Variants in ACSM3 observed in about 807,000 individuals in gnomAD.
ACSM3 encodes the protein acyl-CoA synthetase medium chain family member 3.
A neutral mutation model predicts 74.1 loss-of-function variants in ACSM3; 61 were observed. The observed-to-expected ratio is 0.82, with a 90% CI of 0.67 to 1.02. The LOEUF is 1.02. ACSM3 is among the 50% of genes least tolerant of loss of function. The pLI, the probability that ACSM3 is intolerant of heterozygous loss-of-function variation, is 0.00. For synonymous variants in ACSM3, 213 were observed against 241.5 expected, an observed-to-expected ratio of 0.88 and a Z score of 1.09; for missense variants, 660 against 697.0, an observed-to-expected ratio of 0.95 and a Z score of 0.60.
At chr16:20,740,862 T>C (rs977843535) in intron 1 of ACSM3, among the ~76,000 whole-genome samples, 7 of 152,218 alleles carry the variant, frequency 4.6e-5, no homozygotes, top group South Asian at 2.1e-4. Context: ...TTCAGAAATA[T>C]TATTGCTTCA....
chr16:20,701,904 G>C (rs757587495), intron 1 of ACSM3, among the ~76,000 whole-genome samples: 6 of 152,156 alleles, frequency 3.9e-5, no homozygotes, highest in Non-Finnish European at 7.3e-5. Flanking sequence ...AGTATTCCAT[G>C]GTGTATATGT....
intron 1 of ACSM3, among the ~76,000 whole-genome samples, chr16:20,678,355 A>G (rs2079356988): frequency 6.6e-6 from 1 of 152,202 alleles, no homozygotes. Context: ...GCCATGGCTC[A>G]CTGCTATTAC....
In ACSM3 at chr16:20,777,458, C is replaced by T; in HGVS notation, c.516C>T (p.Ile172=). The change falls in exon 4 of 14, where the codon ATC becomes ATT. Residue 172 remains isoleucine, a synonymous_variant. Coordinates refer to ENST00000289416, the MANE Select transcript of ACSM3 (RefSeq NM_005622.4). ...AATCTTCAAAAGCAAACTGCATTAT[C>T]ACCAATGATGTTTTAGCCCCAGCAG... ...RLQSSKANCI[I]TNDVLAPAVD... 1 of 1,613,984 alleles carries T rather than the reference C, an allele frequency of 6.2e-7. No individual in the cohort carries two copies. Among genetic ancestry groups the T allele is most frequent in the Non-Finnish European group, 8.5e-7 (1 of 1,179,910 alleles).
upstream of ACSM3, among the ~76,000 whole-genome samples, chr16:20,760,227 A>C (rs1204224096): frequency 6.6e-6 from 1 of 152,184 alleles, no homozygotes; most frequent in Admixed American, 6.5e-5. Flanking sequence ...TTTCTTTGAC[A>C]CATTTTGAAA....
chr16:20,726,462 T>G (rs1370874994), intron 1 of ACSM3, among the ~76,000 whole-genome samples: 1 of 152,248 alleles, frequency 6.6e-6, no homozygotes, highest in Non-Finnish European at 1.5e-5. Flanking sequence ...CCCTAGTCAG[T>G]GTCAACGCCT....
At chr16:20,786,194 C>A in intron 9 of ACSM3, 36 bp downstream of exon 9, 3 of 1,605,908 alleles carry the variant, frequency 1.9e-6, no homozygotes, top group Non-Finnish European at 2.6e-6. Flanking sequence ...TGTTTAACAA[C>A]CCAATCTGTA....
chr16:20,676,066 A>T (rs1031255406), intron 1 of ACSM3: 3 of 152,234 alleles, frequency 2.0e-5, no homozygotes, highest in Non-Finnish European at 4.4e-5. Context: ...ACCTCCCTTT[A>T]CCAAGGCTAA....
chr16:20,690,919 C>A lies in ACSM3; in HGVS notation c.-190+16097C>A, dbSNP rs1012098323. 2.8e-6 allele frequency: 4 copies of A among 1,442,684 alleles called. No individual in the cohort carries two copies. In the East Asian group the frequency reaches 9.8e-5, roughly 35 times the overall value. 89.4% of individuals were successfully genotyped at this position (1,442,684 alleles called of 1,614,324 possible). A position where few individuals can be genotyped will look rare whatever the true frequency, so the allele number is the denominator to read the frequency against. On this transcript the variant is annotated intron_variant, in intron 1 of 3. Transcript: ENST00000561584. ...GGCAGAAGTAACTTTGGTTCCATAC[C>A]TTTCAGCCTAGTAGGAGCAAGATAA... is the stretch of plus-strand genomic sequence containing the variant.
intron 1 of ACSM3, chr16:20,741,527 G>C (rs777257224): frequency 4.0e-6 from 5 of 1,242,676 alleles, no homozygotes; most frequent in Non-Finnish European, 5.2e-6. Context: ...GCCCATACAT[G>C]TCGTCGCCGT....
intron 9 of ACSM3, among the ~76,000 whole-genome samples, chr16:20,788,879 T>A (rs2080532277): frequency 6.6e-6 from 1 of 152,216 alleles, no homozygotes; most frequent in South Asian, 2.1e-4. Flanking sequence ...ATTTTTTTAT[T>A]TGCAAGAGCT....
chr16:20,685,377 A>T, intron 1 of ACSM3: 1 of 1,614,182 alleles, frequency 6.2e-7, no homozygotes, highest in Non-Finnish European at 8.5e-7. Flanking sequence ...CCCACCAAAA[A>T]GCTGGATTTG....
chr16:20,792,945 C>T (rs1464074300), intron 12 of ACSM3, among the ~76,000 whole-genome samples: 1 of 152,128 alleles, frequency 6.6e-6, no homozygotes, highest in Non-Finnish European at 1.5e-5. Context: ...ACAACATGCC[C>T]CTAGGGTTTC....
At chr16:20,754,109 G>C (rs1458129894) in intron 2 of ACSM3, among the ~76,000 whole-genome samples, 1 of 152,184 alleles carries the variant, frequency 6.6e-6, no homozygotes, top group African/African-American at 2.4e-5. Context: ...AGTTGTAAGA[G>C]TACTGGTTGG....
At chr16:20,741,435 C>T (rs1001570022) in intron 1 of ACSM3, 4 of 1,450,754 alleles carry the variant, frequency 2.8e-6, no homozygotes, top group Non-Finnish European at 3.6e-6. Flanking sequence ...CCCATACCAG[C>T]AGCCATCCCT....
intron 1 of ACSM3, among the ~76,000 whole-genome samples, chr16:20,701,969 T>A (rs916381280): frequency 3.3e-4 from 50 of 152,258 alleles, no homozygotes; most frequent in African/African-American, 1.2e-3. Flanking sequence ...TGGTTCCAAG[T>A]CTTTGCTACT....
intron 1 of ACSM3, among the ~76,000 whole-genome samples, chr16:20,694,768 G>A (rs973667297): frequency 1.3e-5 from 2 of 152,190 alleles, no homozygotes; most frequent in Non-Finnish European, 2.9e-5. Flanking sequence ...GAACACCACT[G>A]TATTTGGAGA....
At position 20,750,844 on chromosome 16, in the gene ACSM3, G is replaced by GTTTTTTTTTTTTT. The variant is rs59655300; in HGVS notation, c.-96+847_-96+859dup. On this transcript the variant is annotated intron_variant, in intron 2 of 3. Coordinates refer to the ACSM3 transcript ENST00000561584. ...GAGAGAATATAAGTTTTGGAGTCAG[G>GTTTTTTTTTTTTT]TTTTTTTTTTTTTTTTTTGAAACGG... Among the ~76,000 whole-genome samples the GTTTTTTTTTTTTT allele has an allele frequency of 6.9e-5, 8 of 115,350 alleles. 1 individual carries two copies. The highest frequency in any genetic ancestry group is 9.4e-5 in the African/African-American group (3 of 31,800). The allele number at this position is 115,350 out of a possible 152,430, so 75.7% of individuals were successfully genotyped here.
At chr16:20,767,655 T>A (rs1306615967) in intron 1 of ACSM3, among the ~76,000 whole-genome samples, 1 of 152,160 alleles carries the variant, frequency 6.6e-6, no homozygotes, top group Non-Finnish European at 1.5e-5. Context: ...TGATTTTAGT[T>A]CTGTTCTTAA....
At chr16:20,681,360 T>C (rs2079442516) in intron 1 of ACSM3, 2 of 152,338 alleles carry the variant, frequency 1.3e-5, no homozygotes, top group Non-Finnish European at 2.9e-5. Flanking sequence ...GGCCGGGTTG[T>C]CATGGAAATC....
Sources: allele counts gnomAD v4.1 joint callset (sites outside exome capture counted in the v4.1 genomes callset), GRCh38; gene constraint gnomAD v4.1.1; transcripts MANE v1.5; gene names NCBI Gene and HGNC (gene_info 2026-07-23, HGNC 2026-07-21).